Variants in ZFHX3 observed in about 807,000 individuals in gnomAD.
The protein encoded by ZFHX3 is zinc finger homeobox protein 3.
ZFHX3 carries 42 observed loss-of-function variants against 279.1 expected under a neutral mutation model. That is an observed-to-expected ratio of 0.15 (90% CI 0.12 to 0.19). The LOEUF is 0.19. ZFHX3 is among the 10% of genes least tolerant of loss of function. ZFHX3 has a pLI of 1.00. For synonymous variants in ZFHX3, 2,293 were observed against 1,957.8 expected (o/e 1.17, Z -4.52); for missense variants, 4,981 against 4,754.0 (o/e 1.05, Z -1.40).
At chr16:73,055,694 G>A (rs991115840) in intron 1 of ZFHX3, among the ~76,000 whole-genome samples, 5,687 of 137,952 alleles carry the variant, frequency 0.041, 129 homozygotes, top group Middle Eastern at 0.14. Context: ...GCGCGCGCGC[G>A]CGCGCACACA....
intron 2 of ZFHX3, among the ~76,000 whole-genome samples, chr16:73,526,830 G>C (rs2019703619): frequency 6.6e-6 from 1 of 151,736 alleles, no homozygotes; most frequent in Non-Finnish European, 1.5e-5. Context: ...TGGACTTGCA[G>C]GGCAAATGAC....
chr16:73,237,640 G>A (rs1388631630), intron 5 of ZFHX3, among the ~76,000 whole-genome samples: 1 of 148,258 alleles, frequency 6.7e-6, no homozygotes, highest in Non-Finnish European at 1.5e-5. Flanking sequence ...CTAAAGTGCT[G>A]GGATTACAGG....
intron 1 of ZFHX3, among the ~76,000 whole-genome samples, chr16:73,704,955 A>G (rs918189115): frequency 4.6e-5 from 7 of 152,160 alleles, no homozygotes; most frequent in African/African-American, 1.7e-4. Flanking sequence ...GATTTGTAGC[A>G]TTTGCCAATG....
chr16:72,959,941 C>T lies in ZFHX3; in HGVS notation c.205G>A (p.Gly69Arg), dbSNP rs768781705. 1.9e-6 allele frequency: 3 copies of T among 1,599,828 alleles called. No homozygotes were observed. Among genetic ancestry groups the T allele is most frequent in the South Asian group, 1.1e-5 (1 of 88,812 alleles). The change falls in exon 2 of 10, where the codon GGG (glycine) becomes AGG (arginine). Residue 69 changes from glycine (G) to arginine (R), a missense_variant. Transcript: ENST00000268489. ...TTGCTGGCGGGCTCGGAGGGGGGCCCGGCCGACGCGGTGCTCTCCGCGAGG... is the reference window on the plus strand; with the variant it reads ...TTGCTGGCGGGCTCGGAGGGGGGCCTGGCCGACGCGGTGCTCTCCGCGAGG... ...ERLAESTASA[G>R]PPSEPASKEV...
chr16:72,997,951 G>A (rs1280941251), intron 1 of ZFHX3, among the ~76,000 whole-genome samples: 2 of 151,852 alleles, frequency 1.3e-5, no homozygotes, highest in Non-Finnish European at 2.9e-5. Context: ...GTGTGATGGT[G>A]TGCACCTCTG....
chr16:73,143,322 C>A (rs1378536176), intron 6 of ZFHX3, among the ~76,000 whole-genome samples: 1 of 151,750 alleles, frequency 6.6e-6, no homozygotes, highest in Non-Finnish European at 1.5e-5. Flanking sequence ...CAACTTCTAA[C>A]GAAGCCTTCA....
chr16:73,116,421 G>T (rs1315276980), intron 7 of ZFHX3, among the ~76,000 whole-genome samples: 1 of 152,198 alleles, frequency 6.6e-6, no homozygotes, highest in Non-Finnish European at 1.5e-5. Flanking sequence ...AACCAGAAAT[G>T]TGTAACAAAC....
At position 73,195,086 on chromosome 16, in the gene ZFHX3, C is replaced by G. The variant is rs184746679; in HGVS notation, c.-1103-51255G>C. ...TTAGACAGAAGCATATTTCAAGTCTCTCCAAATACCTACTTAACAAATACC... is the reference window on the plus strand; with the variant it reads ...TTAGACAGAAGCATATTTCAAGTCTGTCCAAATACCTACTTAACAAATACC... On this transcript the variant is annotated intron_variant, in intron 5 of 17. Transcript: ENST00000641206. Among the ~76,000 whole-genome samples, 10 of 152,342 alleles carry G rather than the reference C, an allele frequency of 6.6e-5. No individual in the cohort carries two copies. The East Asian group carries it at 1.7e-3, about 26-fold the overall frequency.
chr16:73,551,010 A>G (rs549690507), intron 2 of ZFHX3, among the ~76,000 whole-genome samples: 1 of 152,242 alleles, frequency 6.6e-6, no homozygotes, highest in Non-Finnish European at 1.5e-5. Context: ...CTTTGTTAAC[A>G]TTCAAAGGGT....
intron 1 of ZFHX3, among the ~76,000 whole-genome samples, chr16:73,715,065 T>C (rs984710168): frequency 1.3e-5 from 2 of 152,142 alleles, no homozygotes; most frequent in Non-Finnish European, 2.9e-5. Flanking sequence ...TTTGAGCATA[T>C]AGCATCTGCT....
At chr16:72,895,550 G>C (rs908683520) in intron 3 of ZFHX3, among the ~76,000 whole-genome samples, 1 of 152,232 alleles carries the variant, frequency 6.6e-6, no homozygotes, top group Non-Finnish European at 1.5e-5. Flanking sequence ...GAGGCCAGGC[G>C]TGGTGGCTCA....
intron 3 of ZFHX3, among the ~76,000 whole-genome samples, chr16:72,913,261 C>T (rs1449033198): frequency 6.6e-6 from 1 of 152,184 alleles, no homozygotes; most frequent in African/African-American, 2.4e-5. Flanking sequence ...TCAGATGCCA[C>T]CAGTTTTTCT....
intron 1 of ZFHX3, among the ~76,000 whole-genome samples, chr16:73,686,435 A>T (rs1357201929): frequency 6.6e-6 from 1 of 152,188 alleles, no homozygotes; most frequent in Non-Finnish European, 1.5e-5. Context: ...TTTTTCCTGA[A>T]GTATCATGAG....
At chr16:73,445,090 G>C (rs1021104013) in intron 3 of ZFHX3, among the ~76,000 whole-genome samples, 1 of 151,798 alleles carries the variant, frequency 6.6e-6, no homozygotes, top group Non-Finnish European at 1.5e-5. Context: ...AGCGGAGATT[G>C]CGCCATTGCA....
At chr16:73,802,687 A>G (rs573625621) in intron 1 of ZFHX3, among the ~76,000 whole-genome samples, 6 of 152,316 alleles carry the variant, frequency 3.9e-5, no homozygotes, top group South Asian at 2.1e-4. Context: ...TTTTTGATGG[A>G]CACCAGAACT....
chr16:73,381,992 T>A (rs2016825512), intron 3 of ZFHX3, among the ~76,000 whole-genome samples: 2 of 152,176 alleles, frequency 1.3e-5, no homozygotes, highest in Admixed American at 1.3e-4. Context: ...AGACAATACA[T>A]AAATGAGTGG....
In ZFHX3 at chr16:73,141,115, T is replaced by C. The variant is rs115193670; in HGVS notation, c.-1024+2637A>G. On this transcript the variant is annotated intron_variant, in intron 6 of 17. Coordinates refer to the ZFHX3 transcript ENST00000641206. ...GAACAAAGTCAAGAATGATTCTGATTCAATATAATACCACGCCTATGACCT... is the reference window on the plus strand; with the variant it reads ...GAACAAAGTCAAGAATGATTCTGATCCAATATAATACCACGCCTATGACCT... 3.9e-3 allele frequency among the ~76,000 whole-genome samples: 594 copies of C among 152,308 alleles called. 7 individuals carry two copies. The highest frequency in any genetic ancestry group is 0.014 in the African/African-American group (577 of 41,548).
upstream of ZFHX3, among the ~76,000 whole-genome samples, chr16:73,050,626 A>C (rs1965431591): frequency 6.6e-6 from 1 of 152,154 alleles, no homozygotes; most frequent in African/African-American, 2.4e-5. Flanking sequence ...GTTCCTCTGA[A>C]ATACTCCTTG....
chr16:72,815,508 C>T (rs1475473697), intron 5 of ZFHX3, among the ~76,000 whole-genome samples: 2 of 152,086 alleles, frequency 1.3e-5, no homozygotes, highest in East Asian at 3.9e-4. Context: ...AGTTTCTTCT[C>T]TCTGAACAGC....
Sources: allele counts gnomAD v4.1 joint callset (sites outside exome capture counted in the v4.1 genomes callset), GRCh38; gene constraint gnomAD v4.1.1; transcripts MANE v1.5; gene names NCBI Gene and HGNC (gene_info 2026-07-23, HGNC 2026-07-21).